UBR3: variants seen among roughly 807,000 people sequenced by gnomAD.
UBR3 encodes the protein ubiquitin protein ligase E3 component n-recognin 3.
UBR3 carries 85 observed loss-of-function variants against 243.2 expected under a neutral mutation model. That is an observed-to-expected ratio of 0.35 (90% CI 0.29 to 0.42). The LOEUF is 0.42. Ranked by LOEUF, UBR3 falls within the 10% of genes least tolerant of loss-of-function variation. The pLI, the probability that UBR3 is intolerant of heterozygous loss-of-function variation, is 1.00. For missense variants in UBR3, 1,686 were observed against 2,300.8 expected (o/e 0.73, Z 5.47); for synonymous variants, 748 against 799.8 (o/e 0.94, Z 1.09).
intron 1 of UBR3, among the ~76,000 whole-genome samples, chr2:169,861,937 C>T (rs1313616610): frequency 6.6e-6 from 1 of 152,174 alleles, no homozygotes; most frequent in African/African-American, 2.4e-5. Context: ...TGCTGGTTTA[C>T]CCAATTATCT....
chr2:169,926,565 A>T, intron 14 of UBR3, 127 bp from the exon 15 acceptor site: 1 of 962,110 alleles, frequency 1.0e-6, no homozygotes, highest in Non-Finnish European at 1.5e-6. Context: ...AGCTTGGGTG[A>T]GAGTGAGACT....
intron 32 of UBR3, among the ~76,000 whole-genome samples, chr2:170,049,849 A>G (rs1253732903): frequency 1.3e-5 from 2 of 152,196 alleles, no homozygotes; most frequent in Non-Finnish European, 2.9e-5. Context: ...TTGGTACATC[A>G]TATGTTCAGT....
At chr2:169,860,157 G>A (rs2083039468) in intron 1 of UBR3, among the ~76,000 whole-genome samples, 1 of 152,004 alleles carries the variant, frequency 6.6e-6, no homozygotes, top group South Asian at 2.1e-4. Flanking sequence ...TCACTTTTGG[G>A]TCTATGTCTG....
chr2:170,037,328 T>C (rs931412457), intron 31 of UBR3, among the ~76,000 whole-genome samples: 2 of 152,128 alleles, frequency 1.3e-5, no homozygotes, highest in Non-Finnish European at 2.9e-5. Flanking sequence ...CCAGTTTTTC[T>C]TTGCTGTTCT....
intron 19 of UBR3, among the ~76,000 whole-genome samples, chr2:169,936,125 T>C (rs2086317663): frequency 6.6e-6 from 1 of 152,188 alleles, no homozygotes. Flanking sequence ...AATGGCATGA[T>C]CTCGGCTCAC....
At chr2:170,045,392 A>T (rs2091058959) in intron 32 of UBR3, among the ~76,000 whole-genome samples, 1 of 152,156 alleles carries the variant, frequency 6.6e-6, no homozygotes. Flanking sequence ...ATCAGACTGT[A>T]TCAGGGAGGG....
At chr2:169,836,665 T>G (rs1412598304) in intron 1 of UBR3, among the ~76,000 whole-genome samples, 1 of 151,710 alleles carries the variant, frequency 6.6e-6, no homozygotes, top group Admixed American at 6.6e-5. Flanking sequence ...AGACACTTGG[T>G]GTTATATATA....
chr2:170,031,716 C>G (rs2090676368), intron 31 of UBR3, among the ~76,000 whole-genome samples: 1 of 152,016 alleles, frequency 6.6e-6, no homozygotes, highest in African/African-American at 2.4e-5. Context: ...CTGTTGTTCC[C>G]ATCTTTTGTC....
rs184290814 is a variant in UBR3 at position 170,077,044 on chromosome 2, C to T, written c.5200-2770C>T. Among the ~76,000 whole-genome samples the T allele has an allele frequency of 3.0e-4, 46 of 152,284 alleles. 1 individual carries two copies. Among genetic ancestry groups the T allele is most frequent in the Admixed American group, 2.7e-3 (42 of 15,300 alleles). On this transcript the variant is annotated intron_variant, in intron 36 of 38. Coordinates refer to ENST00000272793, the MANE Select transcript of UBR3 (RefSeq NM_172070.4). ...TAGCTTGTAAATCCGCAGAAGAGTC[C>T]GGAATAGCAGTGAAGCAGAAATTTA...
At chr2:169,959,389 G>T (rs1246779714) in intron 24 of UBR3, among the ~76,000 whole-genome samples, 3 of 151,666 alleles carry the variant, frequency 2.0e-5, no homozygotes, top group Non-Finnish European at 4.4e-5. Flanking sequence ...AATCTAAAAT[G>T]TACCAAAATT....
intron 11 of UBR3, among the ~76,000 whole-genome samples, chr2:169,918,969 A>C (rs769320134): frequency 6.6e-6 from 1 of 152,216 alleles, no homozygotes; most frequent in Non-Finnish European, 1.5e-5. Flanking sequence ...ATGTGGGACC[A>C]TAAAAGGGAG....
At chr2:170,061,715 G>T (rs1432401201) in intron 35 of UBR3, among the ~76,000 whole-genome samples, 1 of 152,074 alleles carries the variant, frequency 6.6e-6, no homozygotes, top group African/African-American at 2.4e-5. Flanking sequence ...TGATCTACCT[G>T]CCTCGGCCTC....
chr2:169,888,258 C>T (rs1298481554), intron 5 of UBR3, among the ~76,000 whole-genome samples: 1 of 151,886 alleles, frequency 6.6e-6, no homozygotes, highest in East Asian at 1.9e-4. Context: ...CCAGCCTCAG[C>T]CTGCCGAGTA....
At chr2:169,982,392 A>C (rs925501771) in intron 24 of UBR3, among the ~76,000 whole-genome samples, 7 of 152,024 alleles carry the variant, frequency 4.6e-5, no homozygotes, top group African/African-American at 1.7e-4. Context: ...TATAAATATA[A>C]AGGTTAAGAA....
intron 1 of UBR3, among the ~76,000 whole-genome samples, chr2:169,840,023 T>G (rs1374662434): frequency 1.3e-5 from 2 of 152,196 alleles, no homozygotes. Context: ...GTGGGAGGCT[T>G]GGACTGCTTC....
chr2:169,927,259 G>C (rs72891954), intron 16 of UBR3, 61 bp from the exon 17 acceptor site: 208,734 of 1,433,944 alleles, frequency 0.15, 16,331 homozygotes, highest in Admixed American at 0.24. Flanking sequence ...AGTGTGGTAA[G>C]TTTTTTTCTT....
chr2:169,876,665 C>T (rs919081207), intron 3 of UBR3, among the ~76,000 whole-genome samples: 2 of 151,142 alleles, frequency 1.3e-5, no homozygotes, highest in African/African-American at 2.4e-5. Flanking sequence ...TCAAGCGATT[C>T]TCCTGCCTCA....
chr2:170,037,197 A>G (rs957375691), intron 31 of UBR3, among the ~76,000 whole-genome samples: 2 of 152,034 alleles, frequency 1.3e-5, no homozygotes, highest in African/African-American at 2.4e-5. Context: ...TCTTTGTTCT[A>G]TTGAGCTCCA....
intron 24 of UBR3, among the ~76,000 whole-genome samples, chr2:169,980,473 A>G (rs1160291065): frequency 6.6e-6 from 1 of 152,174 alleles, no homozygotes; most frequent in Non-Finnish European, 1.5e-5. Context: ...CCTTGAGGGT[A>G]AAGGCACTAT....
Sources: gnomAD v4.1 joint callset for allele counts (sites outside exome capture counted in the v4.1 genomes callset) on GRCh38, gnomAD v4.1.1 for gene constraint, MANE v1.5 for transcripts, NCBI Gene and HGNC (gene_info 2026-07-23, HGNC 2026-07-21) for gene names.